PRUNE2: variants seen among roughly 807,000 people sequenced by gnomAD.
PRUNE2 encodes protein prune homolog 2.
In PRUNE2, 164 loss-of-function variants were observed where a neutral mutation model predicts 252.0. That is an observed-to-expected ratio of 0.65 (90% CI 0.57 to 0.74). The LOEUF (loss-of-function observed/expected upper bound fraction) is 0.74, where lower values mean the gene tolerates loss of function less well. Ranked by LOEUF, PRUNE2 falls within the 30% of genes least tolerant of loss-of-function variation. The probability of loss-of-function intolerance (pLI) is 0.00; values close to 1 mark genes in which losing one functional copy is unlikely to be tolerated. For missense variants in PRUNE2, 3,495 were observed against 3,711.0 expected, an observed-to-expected ratio of 0.94 and a Z score of 1.51; for synonymous variants, 1,292 against 1,350.2, an observed-to-expected ratio of 0.96 and a Z score of 0.94.
intron 9 of PRUNE2, among the ~76,000 whole-genome samples, chr9:76,677,462 G>A (rs556359476): frequency 9.2e-5 from 14 of 152,322 alleles, no homozygotes; most frequent in Middle Eastern, 3.4e-3. Context: ...AGGAAAATGA[G>A]GCAGAGAATG....
chr9:76,708,836 T>C lies in PRUNE2; in HGVS notation c.3438A>G (p.Ala1146=). The C allele has an allele frequency of 6.2e-7, 1 of 1,613,906 alleles. No homozygotes were observed. Among genetic ancestry groups the C allele is most frequent in the Non-Finnish European group, 8.5e-7 (1 of 1,179,880 alleles). The change falls in exon 8 of 19, where the codon GCA becomes GCG. Residue 1146 remains alanine (A), a synonymous_variant. Coordinates refer to ENST00000376718, the MANE Select transcript of PRUNE2 (RefSeq NM_015225.3). The stretch of plus-strand genomic sequence containing the variant: ...CTTCTGTTTGACCATCACTGGGGAT[T>C]GCCGCACCCCCACTGCAGTCATCCC... ...LDWDDCSGGA[A]IPSDGQTEGY...
chr9:76,614,477 G>T lies in PRUNE2; in HGVS notation c.*93C>A. 9.3e-7 allele frequency: 1 copy of T among 1,074,088 alleles called. No individual in the cohort carries two copies. The highest frequency in any genetic ancestry group is 1.4e-5 in the South Asian group (1 of 73,214). 66.5% of individuals were successfully genotyped at this position (1,074,088 alleles called of 1,614,324 possible). On this transcript the variant is annotated 3_prime_UTR_variant, in exon 19 of 19. Coordinates refer to ENST00000376718, the MANE Select transcript of PRUNE2 (RefSeq NM_015225.3). ...GAATGGCACCAGGTAGTGCAAAGTG[G>T]AAAAAGGTAACATCAGCCCTGTCTC...
At chr9:76,857,216 C>T (rs1014338935) in intron 1 of PRUNE2, 1 of 443,008 alleles carries the variant, frequency 2.3e-6, no homozygotes, top group African/African-American at 2.0e-5. Context: ...TTTCCCCCTC[C>T]ACCCCCATCC....
At chr9:76,790,083 A>T (rs1027757336) in intron 6 of PRUNE2, among the ~76,000 whole-genome samples, 1 of 152,192 alleles carries the variant, frequency 6.6e-6, no homozygotes, top group Non-Finnish European at 1.5e-5. Context: ...ACTGATAAAG[A>T]GTCCTTGTTC....
chr9:76,736,965 T>A (rs2049128176), intron 6 of PRUNE2: 2 of 151,752 alleles, frequency 1.3e-5, no homozygotes, highest in African/African-American at 4.9e-5. Context: ...CCGGGAAAGG[T>A]GGGGCCACTC....
At chr9:76,805,845 T>A (rs1423881403) in intron 6 of PRUNE2, among the ~76,000 whole-genome samples, 2 of 152,234 alleles carry the variant, frequency 1.3e-5, no homozygotes. Flanking sequence ...GTCCCTGGAC[T>A]GGAATGCCAC....
At chr9:76,627,183 T>C (rs1587808427) in intron 16 of PRUNE2, among the ~76,000 whole-genome samples, 1 of 151,660 alleles carries the variant, frequency 6.6e-6, no homozygotes, top group Admixed American at 6.6e-5. Context: ...TCACTGCAAT[T>C]TCCGCCTCCC....
At chr9:76,742,615 TC>T (rs759465295) in intron 6 of PRUNE2, among the ~76,000 whole-genome samples, 1 of 146,168 alleles carries the variant, frequency 6.8e-6, no homozygotes, top group Non-Finnish European at 1.5e-5. Flanking sequence ...GAAACCTATC[TC>T]AAAAAAAAAA....
At position 76,615,250 on chromosome 9, in the gene PRUNE2, C is replaced by T. The variant is rs933952197; in HGVS notation, c.9237-650G>A. 15 of 985,120 alleles carry T rather than the reference C, an allele frequency of 1.5e-5. No homozygotes were observed. In the African/African-American group the frequency reaches 2.6e-4, roughly 17 times the overall value. 61.0% of individuals were successfully genotyped at this position (985,120 alleles called of 1,614,324 possible). On this transcript the variant is annotated intron_variant, in intron 18 of 18. Coordinates refer to ENST00000376718, the MANE Select transcript of PRUNE2 (RefSeq NM_015225.3). ...ACAGCACAACTTCCTACCGCATCCA[C>T]CCAAGAGGAAGAAAACCAAAAGCCA... is the stretch of plus-strand genomic sequence containing the variant.
rs527825570 is a variant in PRUNE2, at chr9:76,655,589, A to C, written c.8277-87T>G. 1.7e-5 allele frequency: 16 copies of C among 928,488 alleles called. No homozygotes were observed. In the South Asian group the frequency reaches 2.0e-4, roughly 11 times the overall value. 57.5% of individuals were successfully genotyped at this position (928,488 alleles called of 1,614,324 possible). ...AAAGGAAACCCACAGAGTCCAGGAT[A>C]ACATTTTCAACTCACTTAAAATAAA... On this transcript the variant is annotated intron_variant, in intron 9 of 18. Coordinates refer to ENST00000376718, the MANE Select transcript of PRUNE2 (RefSeq NM_015225.3).
intron 1 of PRUNE2, among the ~76,000 whole-genome samples, chr9:76,861,364 T>C (rs952121492): frequency 1.3e-5 from 2 of 152,232 alleles, no homozygotes; most frequent in Non-Finnish European, 2.9e-5. Flanking sequence ...TCAAATGTTC[T>C]CCAGGTAATG....
intron 6 of PRUNE2, among the ~76,000 whole-genome samples, chr9:76,727,587 C>G (rs1324601989): frequency 1.3e-5 from 2 of 150,976 alleles, no homozygotes; most frequent in Non-Finnish European, 1.5e-5. Context: ...ACTTCCTATT[C>G]CAGGAAAATG....
chr9:76,671,333 C>T (rs566304577), intron 9 of PRUNE2, among the ~76,000 whole-genome samples: 15 of 147,190 alleles, frequency 1.0e-4, no homozygotes, highest in East Asian at 4.0e-4. Flanking sequence ...TGAAATGAAG[C>T]GAGAAGGGAA....
At chr9:76,716,276 T>C (rs2047143975) in intron 6 of PRUNE2, among the ~76,000 whole-genome samples, 1 of 152,130 alleles carries the variant, frequency 6.6e-6, no homozygotes, top group South Asian at 2.1e-4. Flanking sequence ...TGGACTCAAG[T>C]CCAAAAGCAT....
At chr9:76,895,040 G>A (rs1021616897) in intron 1 of PRUNE2, among the ~76,000 whole-genome samples, 2 of 151,826 alleles carry the variant, frequency 1.3e-5, no homozygotes, top group African/African-American at 4.8e-5. Context: ...ATAAAAAAAA[G>A]GGACCTTAAT....
Position 76,707,138 on chromosome 9 carries a change from A to T in PRUNE2, c.5136T>A (p.Asp1712Glu). 1 of 1,613,946 alleles carries T rather than the reference A, an allele frequency of 6.2e-7. No individual in the cohort carries two copies. Among genetic ancestry groups the T allele is most frequent in the Non-Finnish European group, 8.5e-7 (1 of 1,179,868 alleles). The change falls in exon 8 of 19, where the codon GAT (aspartate) becomes GAA (glutamate). Residue 1712 changes from aspartate (D) to glutamate (E), a missense_variant. Physicochemically the swap from Asp to Glu is conservative, Grantham distance 45. Transcript: ENST00000376718. ...IQVANCHVAE[D>E]ESRAWDSLNE... is the part of the protein sequence containing the mutation. ...TCAATGAATCCCAAGCTCTGGATTC[A>T]TCCTCAGCAACGTGGCAGTTGGCCA... is the stretch of plus-strand genomic sequence containing the variant.
intron 15 of PRUNE2, among the ~76,000 whole-genome samples, chr9:76,632,263 C>T (rs887689791): frequency 1.3e-5 from 2 of 152,162 alleles, no homozygotes; most frequent in Non-Finnish European, 2.9e-5. Context: ...TGCCATATAC[C>T]TCTATCATAG....
chr9:76,842,468 A>C (rs2059444159), intron 4 of PRUNE2, among the ~76,000 whole-genome samples: 1 of 150,032 alleles, frequency 6.7e-6, no homozygotes, highest in South Asian at 2.1e-4. Context: ...CAATGGCAAC[A>C]AAAGCCAAAA....
chr9:76,837,841 G>T (rs1040089499), intron 4 of PRUNE2, among the ~76,000 whole-genome samples: 27 of 149,614 alleles, frequency 1.8e-4, no homozygotes, highest in Non-Finnish European at 3.3e-4. Flanking sequence ...GCGCAATCTC[G>T]GCTCACTGCA....
Sources: allele counts gnomAD v4.1 joint callset (sites outside exome capture counted in the v4.1 genomes callset), GRCh38; gene constraint gnomAD v4.1.1; transcripts MANE v1.5; gene names NCBI Gene and HGNC (gene_info 2026-07-23, HGNC 2026-07-21).